Variants in CPPED1 observed in about 807,000 individuals in gnomAD.
CPPED1 encodes the protein serine/threonine-protein phosphatase CPPED1.
Under a neutral mutation model 28.0 loss-of-function variants are expected in CPPED1, and 28 were observed. That is an observed-to-expected ratio of 1.00 (90% CI 0.74 to 1.37). The LOEUF is 1.37. CPPED1 is among the 40% of genes most tolerant of loss of function. The probability of loss-of-function intolerance (pLI) is 0.00; values close to 1 mark genes in which losing one functional copy is unlikely to be tolerated. For missense variants in CPPED1, 504 were observed against 416.5 expected (o/e 1.21, Z -1.83); for synonymous variants, 198 against 180.2 (o/e 1.10, Z -0.79).
chr16:12,675,322 G>C (rs7185041), intron 3 of CPPED1, among the ~76,000 whole-genome samples: 16,738 of 152,234 alleles, frequency 0.11, 2,207 homozygotes, highest in African/African-American at 0.32. Flanking sequence ...GCTGTAAGGA[G>C]ATGACAGGCA....
chr16:12,779,691 A>C (rs1195386964), intron 2 of CPPED1, among the ~76,000 whole-genome samples: 1 of 151,968 alleles, frequency 6.6e-6, no homozygotes, highest in African/African-American at 2.4e-5. Context: ...TCATGTTTTC[A>C]TTATGGGTTT....
At chr16:12,716,300 C>A (rs1327091319) in intron 2 of CPPED1, among the ~76,000 whole-genome samples, 1 of 152,224 alleles carries the variant, frequency 6.6e-6, no homozygotes, top group Non-Finnish European at 1.5e-5. Context: ...ATAGAATATT[C>A]CATTTAACAA....
At chr16:12,782,969 T>C in intron 1 of CPPED1, among the ~76,000 whole-genome samples, 1 of 152,210 alleles carries the variant, frequency 6.6e-6, no homozygotes, top group Admixed American at 6.5e-5. Flanking sequence ...AAAAAGCTCC[T>C]TGGAATCAGT....
chr16:12,776,978 G>A (rs1462082138), intron 2 of CPPED1, among the ~76,000 whole-genome samples: 1 of 152,182 alleles, frequency 6.6e-6, no homozygotes, highest in East Asian at 1.9e-4. Flanking sequence ...CAGCCACGTG[G>A]AACTGTGAGG....
intron 3 of CPPED1, among the ~76,000 whole-genome samples, chr16:12,686,526 A>G (rs914367796): frequency 1.3e-5 from 2 of 152,204 alleles, no homozygotes; most frequent in Admixed American, 6.5e-5. Context: ...AACTTCTTGT[A>G]TCATTTCTAT....
intron 1 of CPPED1, among the ~76,000 whole-genome samples, chr16:12,782,190 C>A (rs1287676400): frequency 6.6e-6 from 1 of 152,154 alleles, no homozygotes; most frequent in Non-Finnish European, 1.5e-5. Context: ...AACTGCCGCG[C>A]CAGTGCCTGC....
chr16:12,702,955 T>C (rs373882445), intron 3 of CPPED1, among the ~76,000 whole-genome samples: 1 of 147,412 alleles, frequency 6.8e-6, no homozygotes, highest in African/African-American at 2.5e-5. Flanking sequence ...GAGGTTGCAG[T>C]GAGCCGAGAT....
Position 12,670,435 on chromosome 16 carries a change from G to A in CPPED1, c.716-5320C>T, listed in dbSNP as rs575425528. ...GACACCCCACCCTCTAGGAAGTAGT[G>A]CATCTTTCTTCATCCCTTAGGTGTG... On this transcript the variant is annotated intron_variant, in intron 3 of 3. Transcript: ENST00000381774. This position sits in a 1 kb window ranked among gnomAD's most constrained non-coding sequence, Gnocchi z 4.2. Among the ~76,000 whole-genome samples the A allele has an allele frequency of 2.0e-4, 31 of 152,202 alleles. No homozygotes were observed. Among genetic ancestry groups the A allele is most frequent in the South Asian group, 1.0e-3 (5 of 4,830 alleles).
chr16:12,768,679 GT>G (rs1223080128), intron 2 of CPPED1, among the ~76,000 whole-genome samples: 1 of 152,096 alleles, frequency 6.6e-6, no homozygotes, highest in African/African-American at 2.4e-5. Flanking sequence ...GAGGAAACCA[GT>G]TTTTTCATGA....
At chr16:12,766,256 T>TATATATATATAGAGAG in intron 2 of CPPED1, among the ~76,000 whole-genome samples, 2 of 134,254 alleles carry the variant, frequency 1.5e-5, no homozygotes, top group African/African-American at 7.0e-5. Flanking sequence ...TATATATATA[T>TATATATATATAGAGAG]AGAGAGAGAG....
intron 2 of CPPED1, among the ~76,000 whole-genome samples, chr16:12,706,294 C>A (rs948423330): frequency 1.3e-5 from 2 of 151,682 alleles, no homozygotes; most frequent in African/African-American, 4.8e-5. Context: ...CTGGTTAAAT[C>A]CAGGAAACAG....
intron 3 of CPPED1, among the ~76,000 whole-genome samples, chr16:12,677,654 A>C (rs2079884586): frequency 6.6e-6 from 1 of 152,220 alleles, no homozygotes; most frequent in Non-Finnish European, 1.5e-5. Context: ...AAAAGAAAAA[A>C]GGAAGTGCCA....
intron 2 of CPPED1, among the ~76,000 whole-genome samples, chr16:12,746,135 G>A (rs1010505364): frequency 6.6e-6 from 1 of 152,168 alleles, no homozygotes. Flanking sequence ...AACACTTTGG[G>A]AGACTGAGGT....
At chr16:12,715,812 G>A (rs2080104315) in intron 2 of CPPED1, among the ~76,000 whole-genome samples, 1 of 152,198 alleles carries the variant, frequency 6.6e-6, no homozygotes, top group South Asian at 2.1e-4. Context: ...ACAGGCATGA[G>A]CCACCACTCT....
chr16:12,744,770 C>G (rs1047328399), intron 2 of CPPED1, among the ~76,000 whole-genome samples: 1 of 152,186 alleles, frequency 6.6e-6, no homozygotes, highest in Non-Finnish European at 1.5e-5. Context: ...TGCTTGAGCT[C>G]ACAAGTTCAA....
At chr16:12,719,935 A>G (rs2141197452) in intron 2 of CPPED1, among the ~76,000 whole-genome samples, 1 of 152,068 alleles carries the variant, frequency 6.6e-6, no homozygotes, top group East Asian at 1.9e-4. Context: ...AAACTCCATC[A>G]CAGAAAAAAA....
At chr16:12,719,642 A>G (rs2080127845) in intron 2 of CPPED1, among the ~76,000 whole-genome samples, 1 of 152,072 alleles carries the variant, frequency 6.6e-6, no homozygotes. Context: ...CTTAAAAATT[A>G]AACACCTTTA....
At chr16:12,799,147 G>A (rs77857156) in intron 1 of CPPED1, among the ~76,000 whole-genome samples, 6,201 of 152,194 alleles carry the variant, frequency 0.041, 296 homozygotes, top group East Asian at 0.11. Context: ...TGCAGCAAAG[G>A]TGAAGGGTTC....
At chr16:12,775,213 G>C (rs1418644049) in intron 2 of CPPED1, among the ~76,000 whole-genome samples, 1 of 152,116 alleles carries the variant, frequency 6.6e-6, no homozygotes, top group Non-Finnish European at 1.5e-5. Flanking sequence ...TGCAGAGAGA[G>C]TCCCCACCAG....
Sources: gnomAD v4.1 joint callset for allele counts (sites outside exome capture counted in the v4.1 genomes callset) on GRCh38, gnomAD v4.1.1 for gene constraint, Gnocchi (gnomAD v3.1) non-coding constraint, MANE v1.5 for transcripts, NCBI Gene and HGNC (gene_info 2026-07-23, HGNC 2026-07-21) for gene names.